COMMD10: variants seen among roughly 807,000 people sequenced by gnomAD.
The protein encoded by COMMD10 is COMM domain containing 10.
In COMMD10, 33 loss-of-function variants were observed where a neutral mutation model predicts 28.9. The ratio of observed to expected loss-of-function variants is 1.14; its 90% CI spans 0.87 to 1.53. COMMD10 has a LOEUF of 1.53. COMMD10 is among the 40% of genes most tolerant of loss of function. The pLI, the probability that COMMD10 is intolerant of heterozygous loss-of-function variation, is 0.00. For missense variants in COMMD10, 310 were observed against 233.4 expected (o/e 1.33, Z -2.14); for synonymous variants, 110 against 81.7 (o/e 1.35, Z -1.87).
At chr5:116,215,768 AAAAT>A (rs1749084002) in intron 5 of COMMD10, among the ~76,000 whole-genome samples, 2 of 148,276 alleles carry the variant, frequency 1.3e-5, no homozygotes, top group South Asian at 4.2e-4. Context: ...ACTTTATTTA[AAAAT>A]AAATAGCATT....
intron 5 of COMMD10, among the ~76,000 whole-genome samples, chr5:116,185,955 A>C (rs555296293): frequency 2.6e-5 from 4 of 152,042 alleles, no homozygotes; most frequent in Non-Finnish European, 5.9e-5. Flanking sequence ...ATGTTACCTG[A>C]CTTTACTGCC....
intron 5 of COMMD10, among the ~76,000 whole-genome samples, chr5:116,229,192 C>T (rs1037451322): frequency 6.6e-6 from 1 of 151,930 alleles, no homozygotes; most frequent in East Asian, 1.9e-4. Context: ...AAAGATGAGG[C>T]ATTGAACTTG....
intron 5 of COMMD10, among the ~76,000 whole-genome samples, chr5:116,187,598 T>C (rs753467278): frequency 3.9e-5 from 6 of 152,232 alleles, no homozygotes; most frequent in Admixed American, 2.0e-4. Context: ...ACTTCATGCA[T>C]TAACATTCTC....
intron 5 of COMMD10, among the ~76,000 whole-genome samples, chr5:116,203,740 G>A (rs941419296): frequency 6.6e-6 from 1 of 151,948 alleles, no homozygotes; most frequent in Non-Finnish European, 1.5e-5. Context: ...CCTGAAGGAA[G>A]CACTAAACAT....
chr5:116,246,947 C>T (rs555079181), intron 5 of COMMD10, among the ~76,000 whole-genome samples: 6 of 151,896 alleles, frequency 4.0e-5, no homozygotes, highest in South Asian at 2.1e-4. Flanking sequence ...ACACCGAAAG[C>T]GATTGCAACA....
chr5:116,233,043 A>G (rs971736548), intron 5 of COMMD10, among the ~76,000 whole-genome samples: 1 of 152,160 alleles, frequency 6.6e-6, no homozygotes, highest in African/African-American at 2.4e-5. Context: ...ATATTTATTC[A>G]TTCAACAAAT....
intron 5 of COMMD10, among the ~76,000 whole-genome samples, chr5:116,227,327 T>A (rs1471339675): frequency 6.6e-6 from 1 of 152,070 alleles, no homozygotes; most frequent in East Asian, 1.9e-4. Context: ...TTACCAATAA[T>A]TCTGATAACT....
At chr5:116,160,326 T>A (rs1752875093) in intron 5 of COMMD10, among the ~76,000 whole-genome samples, 1 of 152,200 alleles carries the variant, frequency 6.6e-6, no homozygotes, top group Non-Finnish European at 1.5e-5. Context: ...TAGCTCAAAT[T>A]CATTTGTTAA....
chr5:116,276,714 G>A (rs1304062858), intron 5 of COMMD10, among the ~76,000 whole-genome samples: 1 of 151,610 alleles, frequency 6.6e-6, no homozygotes, highest in Admixed American at 6.6e-5. Context: ...GCTACAACAT[G>A]GATACATCTC....
At chr5:116,249,760 T>C (rs1750056397) in intron 5 of COMMD10, among the ~76,000 whole-genome samples, 1 of 151,956 alleles carries the variant, frequency 6.6e-6, no homozygotes, top group African/African-American at 2.4e-5. Context: ...AGTACAGATT[T>C]TAAGTTGCCT....
chr5:116,266,846 G>A (rs944742637), intron 5 of COMMD10, among the ~76,000 whole-genome samples: 1 of 151,602 alleles, frequency 6.6e-6, no homozygotes, highest in Non-Finnish European at 1.5e-5. Context: ...AGACAAAAAC[G>A]ACAAGATTAT....
chr5:116,279,297 C>T (rs1250664734), intron 5 of COMMD10, among the ~76,000 whole-genome samples: 1 of 151,878 alleles, frequency 6.6e-6, no homozygotes, highest in African/African-American at 2.4e-5. Flanking sequence ...TTGCTGCTTA[C>T]ATTCTTAAAT....
At chr5:116,257,911 C>G (rs1009141175) in intron 5 of COMMD10, among the ~76,000 whole-genome samples, 1 of 151,546 alleles carries the variant, frequency 6.6e-6, no homozygotes, top group East Asian at 1.9e-4. Flanking sequence ...CTTTTTGAAT[C>G]ACAGTTTTGT....
chr5:116,278,477 T>TA (rs1295092492), intron 5 of COMMD10, among the ~76,000 whole-genome samples: 1 of 151,748 alleles, frequency 6.6e-6, no homozygotes, highest in African/African-American at 2.4e-5. Context: ...GGAAGGAAAA[T>TA]ATAGTGATGA....
chr5:116,104,440 T>C (rs1253938205), intron 4 of COMMD10, among the ~76,000 whole-genome samples: 1 of 152,174 alleles, frequency 6.6e-6, no homozygotes, highest in African/African-American at 2.4e-5. Flanking sequence ...ATGATTTGTC[T>C]TTCTGTGTCT....
Position 116,264,443 on chromosome 5 carries a change from C to T in COMMD10, c.511-27074C>T, listed in dbSNP as rs1040232321. ...TGTAATTTGACAATTCATTTCACAGCACCTGACATTACTGTTACATTCACT... is the reference window on the plus strand; with the variant it reads ...TGTAATTTGACAATTCATTTCACAGTACCTGACATTACTGTTACATTCACT... On this transcript the variant is annotated intron_variant, in intron 5 of 6. Transcript: ENST00000274458. 1.1e-4 allele frequency among the ~76,000 whole-genome samples: 16 copies of T among 151,810 alleles called. 1 individual carries two copies. Among genetic ancestry groups the T allele is most frequent in the African/African-American group, 3.6e-4 (15 of 41,184 alleles).
chr5:116,171,807 A>G (rs970947581), intron 5 of COMMD10, among the ~76,000 whole-genome samples: 2 of 145,338 alleles, frequency 1.4e-5, no homozygotes, highest in South Asian at 2.1e-4. Context: ...GGAGGGGAAC[A>G]TCACACACTG....
Position 116,292,852 on chromosome 5 carries a change from A to G in COMMD10, c.*363A>G, listed in dbSNP as rs1274562625. 2.8e-4 allele frequency: 110 copies of G among 395,056 alleles called. No individual in the cohort carries two copies. In the East Asian group the frequency reaches 3.9e-3, roughly 14 times the overall value. 24.5% of individuals were successfully genotyped at this position (395,056 alleles called of 1,614,324 possible). ...ATCAAGGAGCGTCCATGGATACAAG[A>G]TAAGATGTGTACCTTAGTAGAATAC... On this transcript the variant is annotated 3_prime_UTR_variant, in exon 7 of 7. Transcript: ENST00000274458.
chr5:116,229,921 C>G (rs1749485726), intron 5 of COMMD10, among the ~76,000 whole-genome samples: 1 of 151,570 alleles, frequency 6.6e-6, no homozygotes, highest in African/African-American at 2.4e-5. Context: ...TTTATTTAGA[C>G]CACCTAAAAA....
Sources: gnomAD v4.1 joint callset for allele counts (sites outside exome capture counted in the v4.1 genomes callset) on GRCh38, gnomAD v4.1.1 for gene constraint, MANE v1.5 for transcripts, NCBI Gene and HGNC (gene_info 2026-07-23, HGNC 2026-07-21) for gene names.